ANGPT1: variants seen among roughly 807,000 people sequenced by gnomAD.
The protein encoded by ANGPT1 is angiopoietin-1.
Under a neutral mutation model 62.2 loss-of-function variants are expected in ANGPT1, and 17 were observed. The observed-to-expected ratio is 0.27, with a 90% CI of 0.19 to 0.41. The LOEUF (loss-of-function observed/expected upper bound fraction) is 0.41, where lower values mean the gene tolerates loss of function less well. Ranked by LOEUF, ANGPT1 falls within the 10% of genes least tolerant of loss-of-function variation. ANGPT1 has a pLI of 1.00. For missense variants in ANGPT1, 478 were observed against 594.9 expected (o/e 0.80, Z 2.04); for synonymous variants, 199 against 198.9 (o/e 1.00, Z 0.00).
intron 4 of ANGPT1, among the ~76,000 whole-genome samples, chr8:107,308,348 T>C (rs1025449919): frequency 6.6e-6 from 1 of 152,220 alleles, no homozygotes; most frequent in East Asian, 1.9e-4. Context: ...CATGGTAAGG[T>C]TTCAAACAAT....
chr8:107,367,096 CTA>C (rs760259217), intron 1 of ANGPT1, among the ~76,000 whole-genome samples: 1 of 152,120 alleles, frequency 6.6e-6, no homozygotes, highest in Non-Finnish European at 1.5e-5. Context: ...ATCTCACAAA[CTA>C]TATGAGATGA....
intron 1 of ANGPT1, among the ~76,000 whole-genome samples, chr8:107,370,506 T>C (rs1204309631): frequency 6.6e-6 from 1 of 151,076 alleles, no homozygotes; most frequent in Non-Finnish European, 1.5e-5. Flanking sequence ...CTGACCAACA[T>C]GGTGAAACCA....
chr8:107,393,092 C>T (rs1451291124), intron 1 of ANGPT1, among the ~76,000 whole-genome samples: 1 of 152,180 alleles, frequency 6.6e-6, no homozygotes, highest in African/African-American at 2.4e-5. Context: ...GTGTTCAACT[C>T]AGAAACTATA....
rs185724304 is a variant in ANGPT1, at chr8:107,263,247, G to A, written c.1336+974C>T. Among the ~76,000 whole-genome samples, 951 of 150,762 alleles carry A rather than the reference G, an allele frequency of 6.3e-3. 11 individuals are homozygous for A. The highest frequency in any genetic ancestry group is 0.022 in the African/African-American group (897 of 41,034). ...TGGGCACCTGTAATCCCAACTACTC[G>A]GGAGGCTGAGGCAGGAGAATCGCTT... On this transcript the variant is annotated intron_variant, in intron 8 of 8. Coordinates refer to ENST00000517746, the MANE Select transcript of ANGPT1 (RefSeq NM_001146.5).
intron 5 of ANGPT1, among the ~76,000 whole-genome samples, chr8:107,300,252 C>G (rs897066984): frequency 6.6e-6 from 1 of 150,684 alleles, no homozygotes; most frequent in Admixed American, 6.7e-5. Context: ...TGTTAATCAG[C>G]TTGTAAATTA....
At chr8:107,430,160 G>A (rs71524708) in intron 1 of ANGPT1, among the ~76,000 whole-genome samples, 3 of 152,078 alleles carry the variant, frequency 2.0e-5, no homozygotes, top group Non-Finnish European at 4.4e-5. Flanking sequence ...GTCCTTGAAA[G>A]CATTTTAACT....
At chr8:107,427,585 C>G (rs1811072817) in intron 1 of ANGPT1, among the ~76,000 whole-genome samples, 1 of 152,188 alleles carries the variant, frequency 6.6e-6, no homozygotes, top group Non-Finnish European at 1.5e-5. Context: ...TCTTGCTCCC[C>G]TTGTCCATAA....
At chr8:107,303,480 T>C in intron 4 of ANGPT1, 113 bp from the exon 5 acceptor site, 2 of 859,644 alleles carry the variant, frequency 2.3e-6, no homozygotes, top group Non-Finnish European at 3.5e-6. Context: ...AATGTCAATA[T>C]CGCACATAGT....
chr8:107,341,245 A>G (rs2130137201), intron 2 of ANGPT1, among the ~76,000 whole-genome samples: 1 of 152,336 alleles, frequency 6.6e-6, no homozygotes, highest in East Asian at 1.9e-4. Flanking sequence ...AACCTAAACC[A>G]GTCTTTAGAC....
rs911500782 is a variant in ANGPT1, at chr8:107,258,370, T to C, written c.1336+5851A>G. Among the ~76,000 whole-genome samples, 11 of 152,328 alleles carry C rather than the reference T, an allele frequency of 7.2e-5. No homozygotes were observed. In the East Asian group the frequency reaches 2.1e-3, roughly 29 times the overall value. On this transcript the variant is annotated intron_variant, in intron 8 of 8. Transcript: ENST00000517746. ...TGTAGTCTGTATTTCCAAGAGTTTTTGGAAGCTTCATATATGTTATTAAAT... is the reference window on the plus strand; with the variant it reads ...TGTAGTCTGTATTTCCAAGAGTTTTCGGAAGCTTCATATATGTTATTAAAT...
chr8:107,402,911 C>A (rs952113175), intron 1 of ANGPT1, among the ~76,000 whole-genome samples: 1 of 152,096 alleles, frequency 6.6e-6, no homozygotes, highest in Non-Finnish European at 1.5e-5. Flanking sequence ...TAACGTTGTA[C>A]ATTTAGTACA....
chr8:107,392,138 A>T (rs548763217), intron 1 of ANGPT1, among the ~76,000 whole-genome samples: 104 of 152,314 alleles, frequency 6.8e-4, no homozygotes, highest in African/African-American at 2.3e-3. Context: ...ATGTTTATAC[A>T]TATAAATATT....
chr8:107,297,599 A>G (rs1405077425), intron 5 of ANGPT1, among the ~76,000 whole-genome samples: 15 of 149,170 alleles, frequency 1.0e-4, no homozygotes, highest in Non-Finnish European at 1.5e-5. Context: ...TACAAATTTT[A>G]TAATTTATTA....
At chr8:107,365,321 TC>T (rs1816249644) in intron 1 of ANGPT1, among the ~76,000 whole-genome samples, 1 of 152,158 alleles carries the variant, frequency 6.6e-6, no homozygotes, top group Non-Finnish European at 1.5e-5. Context: ...AATGGTGCTC[TC>T]CCCCATGAGA....
At chr8:107,366,717 G>A (rs1654701) in intron 1 of ANGPT1, among the ~76,000 whole-genome samples, 79,556 of 152,012 alleles carry the variant, frequency 0.52, 20,921 homozygotes, top group Admixed American at 0.6. Context: ...ATGGTCCAGC[G>A]ATCCCTACCT....
chr8:107,415,722 T>TA (rs1238984358), intron 1 of ANGPT1, among the ~76,000 whole-genome samples: 1 of 152,076 alleles, frequency 6.6e-6, no homozygotes, highest in Non-Finnish European at 1.5e-5. Flanking sequence ...GGACAAACAA[T>TA]AAAAAGAAAT....
At position 107,251,404 on chromosome 8, in the gene ANGPT1, T is replaced by C. The variant is rs1813244896; in HGVS notation, c.*451A>G. On this transcript the variant is annotated 3_prime_UTR_variant, in exon 9 of 9. Coordinates refer to ENST00000517746, the MANE Select transcript of ANGPT1 (RefSeq NM_001146.5). ...TAATTTGTTAGTAGGTTTGCATAGA[T>C]ATAACACCTTTTCACTGGTATAATA... 6.3e-6 allele frequency: 1 copy of C among 159,378 alleles called. No individual in the cohort carries two copies. The highest frequency in any genetic ancestry group is 1.8e-4 in the South Asian group (1 of 5,548). The allele number at this position is 159,378 out of a possible 1,614,324, so 9.9% of individuals were successfully genotyped here.
At chr8:107,387,446 G>A (rs1372649273) in intron 1 of ANGPT1, among the ~76,000 whole-genome samples, 2 of 152,024 alleles carry the variant, frequency 1.3e-5, no homozygotes, top group South Asian at 2.1e-4. Flanking sequence ...TCCCTGGGCA[G>A]CAAAACTTTC....
At chr8:107,262,098 G>A (rs1331615034) in intron 8 of ANGPT1, among the ~76,000 whole-genome samples, 1 of 152,112 alleles carries the variant, frequency 6.6e-6, no homozygotes, top group Non-Finnish European at 1.5e-5. Context: ...AGGAGGCTGA[G>A]GCAAGATAAT....
Sources: allele counts gnomAD v4.1 joint callset (sites outside exome capture counted in the v4.1 genomes callset), GRCh38; gene constraint gnomAD v4.1.1; transcripts MANE v1.5; gene names NCBI Gene and HGNC (gene_info 2026-07-23, HGNC 2026-07-21).